VSTM2A: variants seen among roughly 807,000 people sequenced by gnomAD.
VSTM2A encodes V-set and transmembrane domain containing 2A.
A neutral mutation model predicts 27.3 loss-of-function variants in VSTM2A; 13 were observed. That is an observed-to-expected ratio of 0.48 (90% confidence interval 0.31 to 0.76). The LOEUF (loss-of-function observed/expected upper bound fraction) is 0.76. Among genes scored for constraint, VSTM2A ranks in the 30% least tolerant of loss-of-function variants. The pLI is 0.05. For missense variants in VSTM2A, 280 were observed against 310.0 expected (o/e 0.90, Z 0.73); for synonymous variants, 142 against 125.7 (o/e 1.13, Z -0.87).
chr7:54,563,146 A>G (rs1333489500), intron 4 of VSTM2A, among the ~76,000 whole-genome samples: 1 of 152,184 alleles, frequency 6.6e-6, no homozygotes, highest in Admixed American at 6.5e-5. Flanking sequence ...ATATCTCTAT[A>G]TATTTTTAAT....
At chr7:54,554,115 A>G (rs765474301) in intron 4 of VSTM2A, 3 of 1,548,408 alleles carry the variant, frequency 1.9e-6, no homozygotes, top group South Asian at 2.4e-5. Context: ...GCTGTCATGC[A>G]AGTCACTGGT....
intron 3 of VSTM2A, among the ~76,000 whole-genome samples, chr7:54,548,296 T>C (rs1213843464): frequency 6.6e-6 from 1 of 152,164 alleles, no homozygotes; most frequent in African/African-American, 2.4e-5. Flanking sequence ...CAATAATGCA[T>C]AAAAGTTAAT....
At chr7:54,547,659 A>T (rs1320600159) in intron 3 of VSTM2A, among the ~76,000 whole-genome samples, 1 of 152,174 alleles carries the variant, frequency 6.6e-6, no homozygotes, top group Non-Finnish European at 1.5e-5. Context: ...TGAGCCGCAT[A>T]GCATCAGTTA....
At chr7:54,551,297 T>G (rs1788185061) in intron 4 of VSTM2A, 1 of 152,188 alleles carries the variant, frequency 6.6e-6, no homozygotes, top group Non-Finnish European at 1.5e-5. Context: ...TTTTAAATGT[T>G]TTTAAAATAC....
intron 4 of VSTM2A, 79 bp downstream of exon 4, chr7:54,550,249 G>A (rs1461581982): frequency 6.5e-7 from 1 of 1,534,252 alleles, no homozygotes; most frequent in Non-Finnish European, 8.8e-7. Context: ...AGAGTAGACA[G>A]ATTTATGAAT....
Position 54,569,276 on chromosome 7 carries a change from C to T in VSTM2A, c.*57C>T, listed in dbSNP as rs566497587. On this transcript the variant is annotated 3_prime_UTR_variant, in exon 5 of 5. Transcript: ENST00000402613. The stretch of plus-strand genomic sequence containing the variant: ...GCATAAATGAAGAGGCTATCACATG[C>T]TTTGTTGATCATATTTTCTTTGGCA... The T allele has an allele frequency of 1.0e-5, 16 of 1,542,302 alleles. No homozygotes were observed. In the African/African-American group the frequency reaches 2.1e-4, roughly 20 times the overall value.
chr7:54,567,707 G>A (rs1440716967), intron 4 of VSTM2A, among the ~76,000 whole-genome samples: 3 of 152,008 alleles, frequency 2.0e-5, no homozygotes, highest in East Asian at 1.9e-4. Flanking sequence ...GACATACTTT[G>A]TGTGAAATCA....
intron 4 of VSTM2A, among the ~76,000 whole-genome samples, chr7:54,567,135 G>A (rs1285921610): frequency 6.6e-6 from 1 of 152,134 alleles, no homozygotes; most frequent in African/African-American, 2.4e-5. Context: ...CACAATCAGT[G>A]ATTTGATGAC....
At chr7:54,543,648 C>G (rs1787855163) in intron 1 of VSTM2A, among the ~76,000 whole-genome samples, 1 of 152,156 alleles carries the variant, frequency 6.6e-6, no homozygotes, top group Non-Finnish European at 1.5e-5. Flanking sequence ...CAAATCATTT[C>G]TGCATTCCCC....
chr7:54,560,213 A>T (rs1450796841), intron 4 of VSTM2A, among the ~76,000 whole-genome samples: 1 of 152,188 alleles, frequency 6.6e-6, no homozygotes, highest in Non-Finnish European at 1.5e-5. Flanking sequence ...AATCTTAAAA[A>T]TATCTACACA....
chr7:54,565,796 G>C (rs547021598), intron 4 of VSTM2A, among the ~76,000 whole-genome samples: 1 of 152,228 alleles, frequency 6.6e-6, no homozygotes, highest in Non-Finnish European at 1.5e-5. Flanking sequence ...TGGAATTTCT[G>C]TTATTCTCTG....
intron 4 of VSTM2A, among the ~76,000 whole-genome samples, chr7:54,565,575 G>T (rs1052006004): frequency 6.6e-6 from 1 of 152,208 alleles, no homozygotes; most frequent in African/African-American, 2.4e-5. Flanking sequence ...AAGGGCAAGA[G>T]GCACGAGAAC....
chr7:54,559,433 C>G lies in VSTM2A; in HGVS notation c.634+9263C>G, dbSNP rs1584061017. 3 of 151,846 alleles carry G rather than the reference C, an allele frequency of 2.0e-5. No individual in the cohort carries two copies. In the South Asian group the frequency reaches 6.2e-4, roughly 32 times the overall value. The allele number at this position is 151,846 out of a possible 1,614,324, so 9.4% of individuals were successfully genotyped here. On this transcript the variant is annotated intron_variant, in intron 4 of 4. Coordinates refer to ENST00000402613, the MANE Select transcript of VSTM2A (RefSeq NM_001301009.2). ...TTTGATGCAGTCCCAGTCAAAACACCTTCTCATTAAAAAAAAATTGATAGG... is the reference window on the plus strand; with the variant it reads ...TTTGATGCAGTCCCAGTCAAAACACGTTCTCATTAAAAAAAAATTGATAGG...
chr7:54,542,879 G>A, intron 1 of VSTM2A, 70 bp downstream of exon 1: 1 of 1,423,980 alleles, frequency 7.0e-7, no homozygotes, highest in Non-Finnish European at 9.8e-7. Flanking sequence ...CAAAAAGAAT[G>A]GACAGGCAGA....
intron 4 of VSTM2A, among the ~76,000 whole-genome samples, chr7:54,562,314 A>G (rs1788587737): frequency 6.6e-6 from 1 of 152,170 alleles, no homozygotes; most frequent in South Asian, 2.1e-4. Context: ...ATTTGGAGCC[A>G]TGTTTCTTCC....
intron 4 of VSTM2A, among the ~76,000 whole-genome samples, chr7:54,566,564 A>G (rs567399810): frequency 5.6e-4 from 85 of 152,354 alleles, no homozygotes; most frequent in African/African-American, 1.9e-3. Flanking sequence ...AGTTGCTTAA[A>G]TGTGTGACTG....
Position 54,542,456 on chromosome 7 carries a change from G to C in VSTM2A, c.-275G>C, listed in dbSNP as rs974018623. ...CGGGCTGACGTTGGACGAGCTGCCA[G>C]GTAGCTGAAAGCAGGCAGCCAGGCA... On this transcript the variant is annotated 5_prime_UTR_variant, in exon 1 of 5. Coordinates refer to ENST00000402613, the MANE Select transcript of VSTM2A (RefSeq NM_001301009.2). The C allele has an allele frequency of 9.2e-5, 44 of 480,816 alleles. No homozygotes were observed. The highest frequency in any genetic ancestry group is 7.9e-5 in the Admixed American group (2 of 25,170). The allele number at this position is 480,816 out of a possible 1,614,324, so 29.8% of individuals were successfully genotyped here.
At chr7:54,549,769 G>T in intron 3 of VSTM2A, 65 bp from the exon 4 acceptor site, 2 of 1,433,950 alleles carry the variant, frequency 1.4e-6, no homozygotes, top group Non-Finnish European at 1.9e-6. Flanking sequence ...CAAGCTCAGG[G>T]TAAAAAATGG....
Position 54,569,455 on chromosome 7 carries a change from A to T in VSTM2A, c.*236A>T, listed in dbSNP as rs934093635. 30 of 605,436 alleles carry T rather than the reference A, an allele frequency of 5.0e-5. No individual in the cohort carries two copies. The highest frequency in any genetic ancestry group is 4.3e-4 in the African/African-American group (23 of 53,996). 37.5% of individuals were successfully genotyped at this position (605,436 alleles called of 1,614,324 possible). On this transcript the variant is annotated 3_prime_UTR_variant, in exon 5 of 5. Coordinates refer to ENST00000402613, the MANE Select transcript of VSTM2A (RefSeq NM_001301009.2). ...AATGTCATCAGGATAGGGAATATTT[A>T]CTATGGATACCACTAATTTCCTACT...
Sources: allele counts gnomAD v4.1 joint callset (sites outside exome capture counted in the v4.1 genomes callset), GRCh38; gene constraint gnomAD v4.1.1; transcripts MANE v1.5; gene names NCBI Gene and HGNC (gene_info 2026-07-23, HGNC 2026-07-21).